SLC8A3: variants seen among roughly 807,000 people sequenced by gnomAD.
SLC8A3 encodes the protein solute carrier family 8 member A3.
Under a neutral mutation model 65.4 loss-of-function variants are expected in SLC8A3, and 37 were observed. That is an observed-to-expected ratio of 0.57 (90% CI 0.44 to 0.74). The LOEUF is 0.74. SLC8A3 is among the 30% of genes least tolerant of loss of function. SLC8A3 has a pLI of 0.00. For missense variants in SLC8A3, 1,112 were observed against 1,172.1 expected, an observed-to-expected ratio of 0.95 and a Z score of 0.75; for synonymous variants, 461 against 444.5, an observed-to-expected ratio of 1.04 and a Z score of -0.47.
chr14:70,073,479 A>T (rs1890193896), intron 2 of SLC8A3, among the ~76,000 whole-genome samples: 1 of 151,382 alleles, frequency 6.6e-6, no homozygotes, highest in Non-Finnish European at 1.5e-5. Context: ...AAGAGAAGTA[A>T]ATATATATAT....
At chr14:70,186,926 A>G (rs1449032692) in intron 1 of SLC8A3, among the ~76,000 whole-genome samples, 1 of 152,200 alleles carries the variant, frequency 6.6e-6, no homozygotes, top group Non-Finnish European at 1.5e-5. Flanking sequence ...AATCGAGGTA[A>G]ACAAGAGCTC....
intron 1 of SLC8A3, among the ~76,000 whole-genome samples, chr14:70,182,219 G>A (rs1387894253): frequency 6.6e-6 from 1 of 152,098 alleles, no homozygotes; most frequent in African/African-American, 2.4e-5. Context: ...AGCTCCTAAG[G>A]ACAAAGATGA....
At chr14:70,110,518 G>A (rs958814329) in intron 2 of SLC8A3, among the ~76,000 whole-genome samples, 3 of 151,970 alleles carry the variant, frequency 2.0e-5, no homozygotes, top group African/African-American at 7.3e-5. Flanking sequence ...CTAATGACTG[G>A]ATCTCATTCT....
At chr14:70,102,096 G>A (rs1892588317) in intron 2 of SLC8A3, among the ~76,000 whole-genome samples, 1 of 152,188 alleles carries the variant, frequency 6.6e-6, no homozygotes, top group African/African-American at 2.4e-5. Flanking sequence ...GGACCCAACA[G>A]AGATCTCTTC....
chr14:70,172,156 CA>C (rs780944451), intron 1 of SLC8A3, among the ~76,000 whole-genome samples: 10 of 142,650 alleles, frequency 7.0e-5, no homozygotes, highest in Admixed American at 4.7e-4. Context: ...TCTTTTCCCC[CA>C]CCCAGGACCA....
chr14:70,169,693 G>A (rs563535872), intron 1 of SLC8A3, among the ~76,000 whole-genome samples: 6 of 31,450 alleles, frequency 1.9e-4, no homozygotes, highest in Admixed American at 1.9e-3. Flanking sequence ...AAAAAAAGTG[G>A]GGGGGGGGGC....
At chr14:70,139,018 A>G (rs1358720469) in intron 2 of SLC8A3, among the ~76,000 whole-genome samples, 1 of 152,174 alleles carries the variant, frequency 6.6e-6, no homozygotes, top group African/African-American at 2.4e-5. Flanking sequence ...AATGTTGGCA[A>G]TTGGAGTGCC....
chr14:70,159,409 T>TAA (rs1361361759), intron 2 of SLC8A3, among the ~76,000 whole-genome samples: 1 of 11,460 alleles, frequency 8.7e-5, no homozygotes. Flanking sequence ...CAAGACTCTG[T>TAA]CAAAAAAAAA....
chr14:70,179,549 G>A (rs114075631), intron 1 of SLC8A3, among the ~76,000 whole-genome samples: 2,688 of 152,232 alleles, frequency 0.018, 83 homozygotes, highest in African/African-American at 0.062. Flanking sequence ...GGGTAGAGAG[G>A]TATATGGTTA....
chr14:70,054,378 A>C (rs752126241), intron 3 of SLC8A3, among the ~76,000 whole-genome samples: 6 of 152,218 alleles, frequency 3.9e-5, no homozygotes, highest in Non-Finnish European at 8.8e-5. Context: ...CCTAAATTAA[A>C]GGCTTACAGA....
At chr14:70,182,947 C>T (rs73278820) in intron 1 of SLC8A3, among the ~76,000 whole-genome samples, 1 of 152,278 alleles carries the variant, frequency 6.6e-6, no homozygotes, top group African/African-American at 2.4e-5. Flanking sequence ...TTGTTTTTCA[C>T]TCTAAGATTA....
intron 2 of SLC8A3, among the ~76,000 whole-genome samples, chr14:70,089,481 T>G (rs774381099): frequency 6.6e-6 from 1 of 152,108 alleles, no homozygotes; most frequent in African/African-American, 2.4e-5. Context: ...AAATTTAAGG[T>G]TTGCTACTGG....
In SLC8A3 at chr14:70,168,151, A is replaced by G; in HGVS notation, c.272T>C (p.Val91Ala). The change falls in exon 2 of 7, where the codon GTG (valine) becomes GCG (alanine). Residue 91 changes from valine (V) to alanine (A), a missense_variant. Physicochemically the swap from Val to Ala is moderately conservative, Grantham distance 64. Transcript: ENST00000356921. ...FVALIYMFLG[V>A]SIIADRFMAS... ...CATGAAGCGGTCAGCAATGATGGAC[A>G]CCCCAAGGAACATGTATATCAGGGC... 6.2e-7 allele frequency: 1 copy of G among 1,614,122 alleles called. No individual in the cohort carries two copies. The highest frequency in any genetic ancestry group is 1.3e-5 in the African/African-American group (1 of 75,014).
chr14:70,120,904 T>A (rs1382205080), intron 2 of SLC8A3, among the ~76,000 whole-genome samples: 2 of 152,192 alleles, frequency 1.3e-5, no homozygotes, highest in Non-Finnish European at 2.9e-5. Context: ...GAGTCAGGCA[T>A]GACGGAGGGA....
intron 2 of SLC8A3, among the ~76,000 whole-genome samples, chr14:70,119,435 C>A (rs1361652082): frequency 1.3e-5 from 2 of 152,160 alleles, no homozygotes; most frequent in Non-Finnish European, 2.9e-5. Flanking sequence ...CTGGGGACCC[C>A]ACCCACCTGA....
intron 2 of SLC8A3, among the ~76,000 whole-genome samples, chr14:70,124,445 T>C (rs1394475015): frequency 6.6e-6 from 1 of 152,260 alleles, no homozygotes; most frequent in Non-Finnish European, 1.5e-5. Flanking sequence ...TCCCTTTCCC[T>C]CCATTCCCAC....
At chr14:70,101,337 T>A (rs529932576) in intron 2 of SLC8A3, among the ~76,000 whole-genome samples, 4 of 152,040 alleles carry the variant, frequency 2.6e-5, no homozygotes, top group African/African-American at 4.8e-5. Context: ...GTTATGAGGA[T>A]GAGTAACAGT....
intron 1 of SLC8A3, among the ~76,000 whole-genome samples, chr14:70,184,109 G>A (rs778856624): frequency 1.3e-5 from 2 of 151,892 alleles, no homozygotes; most frequent in South Asian, 2.1e-4. Context: ...CCTCCCACGC[G>A]ACATTGGCCC....
chr14:70,095,975 G>A (rs1251903601), intron 2 of SLC8A3, among the ~76,000 whole-genome samples: 3 of 151,902 alleles, frequency 2.0e-5, no homozygotes, highest in Non-Finnish European at 4.4e-5. Flanking sequence ...TCCACCTCCC[G>A]GGTTCAAGCA....
Sources: gnomAD v4.1 joint callset for allele counts (sites outside exome capture counted in the v4.1 genomes callset) on GRCh38, gnomAD v4.1.1 for gene constraint, MANE v1.5 for transcripts, NCBI Gene and HGNC (gene_info 2026-07-23, HGNC 2026-07-21) for gene names.